The following DDRGK1 variants were observed in gnomAD, a reference collection of about 807,000 sequenced individuals.
The protein encoded by DDRGK1 is DDRGK domain containing 1, also known as DDRGK domain-containing protein 1.
Under a neutral mutation model 45.8 loss-of-function variants are expected in DDRGK1, and 38 were observed. The observed-to-expected ratio is 0.83, with a 90% CI of 0.64 to 1.09. The LOEUF is 1.09. Among genes scored for constraint, DDRGK1 ranks in the 50% least tolerant of loss-of-function variants. The pLI, the probability that DDRGK1 is intolerant of heterozygous loss-of-function variation, is 0.00. For synonymous variants in DDRGK1, 171 were observed against 168.7 expected (o/e 1.01, Z -0.11); for missense variants, 403 against 419.9 (o/e 0.96, Z 0.35).
At chr20:3,200,316 A>G in intron 3 of DDRGK1, 26 bp downstream of exon 3, 1 of 1,552,332 alleles carries the variant, frequency 6.4e-7, no homozygotes, top group East Asian at 2.4e-5. Context: ...CACTTCCCAG[A>G]GCTGCACCCC....
intron 4 of DDRGK1, among the ~76,000 whole-genome samples, chr20:3,197,395 A>G (rs1305319787): frequency 3.3e-5 from 5 of 152,124 alleles, no homozygotes; most frequent in Admixed American, 2.0e-4. Flanking sequence ...GGAAGAGGGG[A>G]AAAAAACAGT....
At position 3,190,722 on chromosome 20, in the gene DDRGK1, G is replaced by T; in HGVS notation, c.876C>A (p.Ala292=). Residue 292 remains alanine, a synonymous_variant, in exon 9 of 9, where the codon GCC becomes GCA. Coordinates refer to ENST00000354488, the MANE Select transcript of DDRGK1 (RefSeq NM_023935.3). ...FIRQRGRVSI[A]ELAQASNSLI... ...GGGAGTTGCTGGCTTGGGCAAGCTC[G>T]GCGATGGACACCCGGCCCCGCTGTC... 1 of 1,614,102 alleles carries T rather than the reference G, an allele frequency of 6.2e-7. No individual in the cohort carries two copies. Among genetic ancestry groups the T allele is most frequent in the Non-Finnish European group, 8.5e-7 (1 of 1,179,992 alleles).
intron 3 of DDRGK1, 46 bp from the exon 4 acceptor site, chr20:3,200,148 A>C (rs1297114108): frequency 6.3e-7 from 1 of 1,593,962 alleles, no homozygotes; most frequent in Non-Finnish European, 8.5e-7. Context: ...CCCCGGCTAG[A>C]GTGTGCCCAC....
chr20:3,191,656 G>T, intron 7 of DDRGK1, 109 bp downstream of exon 7: 1 of 1,270,114 alleles, frequency 7.9e-7, no homozygotes, highest in Non-Finnish European at 1.1e-6. Context: ...ACTCTTGGTT[G>T]GGGACAAGGT....
chr20:3,200,340 G>A lies in DDRGK1; in HGVS notation c.408+2C>T. On this transcript the variant is annotated splice_donor_variant, in intron 3 of 8. Coordinates refer to ENST00000354488, the MANE Select transcript of DDRGK1 (RefSeq NM_023935.3). LOFTEE classifies it low-confidence loss of function (GC_TO_GT_DONOR). ...GAGCTGCACCCCATCCCTCCGGCTT[G>A]CCTCACGCTGGGCCTTTCGCGCTTG... 6.4e-7 allele frequency: 1 copy of A among 1,560,058 alleles called. No homozygotes were observed. The highest frequency in any genetic ancestry group is 2.4e-5 in the East Asian group (1 of 41,814).
At chr20:3,192,306 C>T (rs1264888737) in intron 6 of DDRGK1, among the ~76,000 whole-genome samples, 1 of 152,192 alleles carries the variant, frequency 6.6e-6, no homozygotes, top group African/African-American at 2.4e-5. Context: ...GAACAAGGCC[C>T]TGAGAAGGTA....
chr20:3,203,354 G>A lies in DDRGK1; in HGVS notation c.154C>T (p.Pro52Ser). Residue 52 changes from proline (P) to serine (S), a missense_variant, in exon 2 of 9, where the codon CCC (proline) becomes TCC (serine). By Grantham distance (74) the Pro-to-Ser change is moderately conservative. Transcript: ENST00000354488. ...AGAGRVAQPG[P>S]LEPEEPRAGG... ...GCTCTCGGCTCCTCAGGCTCCAGGG[G>A]CCCAGGCTGGGCCACCCGGCCTGCT... 2 of 1,608,060 alleles carry A rather than the reference G, an allele frequency of 1.2e-6. No homozygotes were observed. Among genetic ancestry groups the A allele is most frequent in the Non-Finnish European group, 1.7e-6 (2 of 1,176,986 alleles).
At position 3,204,666 on chromosome 20, in the gene DDRGK1, A is replaced by C. The variant is rs1332543677; in HGVS notation, c.-39T>G. 1 of 1,545,016 alleles carries C rather than the reference A, an allele frequency of 6.5e-7. No individual in the cohort carries two copies. Among genetic ancestry groups the C allele is most frequent in the Non-Finnish European group, 8.7e-7 (1 of 1,148,698 alleles). Reference sequence around the variant, plus strand: ...GTGCAGAACCACTGCGTCCACCCTGAGGCCGGGATCTCATAGGCCCCGCCC... The same window carrying C: ...GTGCAGAACCACTGCGTCCACCCTGCGGCCGGGATCTCATAGGCCCCGCCC... On this transcript the variant is annotated 5_prime_UTR_variant, in exon 1 of 9. Transcript: ENST00000354488.
chr20:3,195,320 C>T lies in DDRGK1; in HGVS notation c.544G>A (p.Ala182Thr). Residue 182 changes from alanine to threonine, a missense_variant, in exon 5 of 9, where the codon GCC becomes ACC. Physicochemically the swap from Ala to Thr is moderately conservative, Grantham distance 58 (BLOSUM62 0). Coordinates refer to ENST00000354488, the MANE Select transcript of DDRGK1 (RefSeq NM_023935.3). Reference protein sequence around the residue: ...EEERKAREEQAQREHEEYLKL... With the variant: ...EEERKAREEQTQREHEEYLKL... ...AGGTACTCCTCATGCTCCCGCTGGGCCTGCTCCTCGCGGGCCTTCCTCTCC... is the reference window on the plus strand; with the variant it reads ...AGGTACTCCTCATGCTCCCGCTGGGTCTGCTCCTCGCGGGCCTTCCTCTCC... 1 of 1,610,668 alleles carries T rather than the reference C, an allele frequency of 6.2e-7. No homozygotes were observed.
chr20:3,199,695 C>T (rs1230546571), intron 4 of DDRGK1, among the ~76,000 whole-genome samples: 1 of 152,206 alleles, frequency 6.6e-6, no homozygotes, highest in Admixed American at 6.5e-5. Flanking sequence ...AGACCCCCAT[C>T]ACCTCTCTGC....
chr20:3,198,286 C>T (rs2067020398), intron 4 of DDRGK1, among the ~76,000 whole-genome samples: 1 of 151,128 alleles, frequency 6.6e-6, no homozygotes, highest in Non-Finnish European at 1.5e-5. Context: ...CACCTGTAGT[C>T]CCACCTACTC....
At chr20:3,191,046 G>T in intron 8 of DDRGK1, 144 bp downstream of exon 8, 1 of 1,207,516 alleles carries the variant, frequency 8.3e-7, no homozygotes. Flanking sequence ...CCTTGTAACT[G>T]CATCCAGCTA....
Position 3,191,771 on chromosome 20 carries a change from G to A in DDRGK1, c.723C>T (p.Arg241=). The A allele has an allele frequency of 6.2e-7, 1 of 1,605,382 alleles. No homozygotes were observed. The highest frequency in any genetic ancestry group is 8.5e-7 in the Non-Finnish European group (1 of 1,175,810). The part of the protein sequence containing the change: ...LEDLASQVGL[R]TQDTINRIQD... ...GCCACGTTCCAGGGCTTACCTGAGT[G>A]CGTAGGCCCACCTGGGAAGCCAGGT... Residue 241 remains arginine (R), a synonymous_variant, in exon 7 of 9, where the codon CGC becomes CGT. Transcript: ENST00000354488.
chr20:3,204,443 G>A, intron 1 of DDRGK1, 94 bp downstream of exon 1: 3 of 1,317,466 alleles, frequency 2.3e-6, no homozygotes, highest in Non-Finnish European at 3.1e-6. Flanking sequence ...CCGCCCAGGT[G>A]CGCACGCGCA....
chr20:3,201,114 G>GA (rs201500387), intron 2 of DDRGK1, among the ~76,000 whole-genome samples: 94 of 137,880 alleles, frequency 6.8e-4, no homozygotes, highest in African/African-American at 2.1e-3. Flanking sequence ...TGTCTCAGGG[G>GA]AAAAAAAAAT....
intron 8 of DDRGK1, 33 bp from the exon 9 acceptor site, chr20:3,190,852 C>A (rs2066986697): frequency 1.9e-6 from 3 of 1,586,598 alleles, no homozygotes; most frequent in African/African-American, 2.7e-5. Flanking sequence ...GGGCTGAGGC[C>A]TCCTGGGCGT....
chr20:3,202,423 A>G (rs1486535069), intron 2 of DDRGK1, among the ~76,000 whole-genome samples: 5 of 152,066 alleles, frequency 3.3e-5, no homozygotes, highest in African/African-American at 1.2e-4. Context: ...CCTCCTCACA[A>G]TCGTCAGGAG....
At position 3,199,016 on chromosome 20, in the gene DDRGK1, G is replaced by A. The variant is rs796766288; in HGVS notation, c.510+985C>T. On this transcript the variant is annotated intron_variant, in intron 4 of 8. Coordinates refer to ENST00000354488, the MANE Select transcript of DDRGK1 (RefSeq NM_023935.3). Reference sequence around the variant, plus strand: ...AAAAAAATTAGCCAGGCATGGTGGTGCACACCTATAGTCCCAGCTACTCGC... The same window carrying A: ...AAAAAAATTAGCCAGGCATGGTGGTACACACCTATAGTCCCAGCTACTCGC... 9.4e-4 allele frequency among the ~76,000 whole-genome samples: 142 copies of A among 150,360 alleles called. 2 individuals carry two copies. Among genetic ancestry groups the A allele is most frequent in the African/African-American group, 3.4e-3 (139 of 40,902 alleles).
chr20:3,195,160 G>A (rs2067004631), intron 5 of DDRGK1, 71 bp downstream of exon 5: 12 of 1,608,148 alleles, frequency 7.5e-6, no homozygotes, highest in Admixed American at 1.7e-5. Context: ...GGATGGGGTG[G>A]CTAGCCTTGC....
Sources: allele counts gnomAD v4.1 joint callset (sites outside exome capture counted in the v4.1 genomes callset), GRCh38; gene constraint gnomAD v4.1.1; transcripts MANE v1.5; gene names NCBI Gene and HGNC (gene_info 2026-07-23, HGNC 2026-07-21).